The following PCDH7 variants were observed in gnomAD, a reference collection of about 807,000 sequenced individuals.
The protein encoded by PCDH7 is protocadherin 7, also known as protocadherin-7.
In PCDH7, 17 loss-of-function variants were observed where a neutral mutation model predicts 58.9. That is an observed-to-expected ratio of 0.29 (90% CI 0.20 to 0.43). The LOEUF is 0.43. PCDH7 is among the 20% of genes least tolerant of loss of function. The probability of loss-of-function intolerance (pLI) is 1.00; values close to 1 mark genes in which losing one functional copy is unlikely to be tolerated. For missense variants in PCDH7, 1,274 were observed against 1,441.0 expected (o/e 0.88, Z 1.88); for synonymous variants, 664 against 616.4 (o/e 1.08, Z -1.14).
chr4:31,042,682 G>A (rs1022740750), intron 3 of PCDH7, among the ~76,000 whole-genome samples: 3 of 152,060 alleles, frequency 2.0e-5, no homozygotes, highest in Admixed American at 6.6e-5. Context: ...GTGATGTATA[G>A]TAAAGTGTAA....
intron 1 of PCDH7, among the ~76,000 whole-genome samples, chr4:30,911,979 T>C (rs2109406065): frequency 6.6e-6 from 1 of 152,292 alleles, no homozygotes. Flanking sequence ...ACACTCATAA[T>C]TTCTAAAGTA....
intron 1 of PCDH7, among the ~76,000 whole-genome samples, chr4:30,879,186 C>T (rs1428021611): frequency 1.3e-5 from 2 of 151,846 alleles, no homozygotes; most frequent in African/African-American, 4.8e-5. Context: ...TTTATTCCTC[C>T]TTCTCCTGCT....
intron 1 of PCDH7, among the ~76,000 whole-genome samples, chr4:30,785,759 T>A (rs998015138): frequency 9.2e-5 from 14 of 152,056 alleles, no homozygotes; most frequent in Non-Finnish European, 2.1e-4. Flanking sequence ...GATGCATTGT[T>A]ACATTGGAAA....
At chr4:30,855,464 C>T (rs1223382219) in intron 1 of PCDH7, among the ~76,000 whole-genome samples, 4 of 152,134 alleles carry the variant, frequency 2.6e-5, no homozygotes, top group African/African-American at 9.7e-5. Context: ...CTGTTTGCGG[C>T]AAACTCATCC....
rs1373614818 is a variant in PCDH7, at chr4:30,757,233, G to A, written c.70+32637G>A. On this transcript the variant is annotated intron_variant, in intron 1 of 3. Transcript: ENST00000509759. ...CTCCCTGTAGCTGCACACCCATTCT[G>A]CTCCTTTTTCTAGGCTTCATCCTCA... Among the ~76,000 whole-genome samples the A allele has an allele frequency of 3.3e-5, 5 of 152,154 alleles. No individual in the cohort carries two copies. The East Asian group carries it at 9.6e-4, about 29-fold the overall frequency.
chr4:31,073,067 T>C (rs1185740814), intron 3 of PCDH7, among the ~76,000 whole-genome samples: 7 of 152,150 alleles, frequency 4.6e-5, no homozygotes, highest in Non-Finnish European at 1.0e-4. Flanking sequence ...CTGAAGAGTA[T>C]GTAAATATTA....
chr4:30,961,321 G>T (rs932456459), intron 3 of PCDH7, among the ~76,000 whole-genome samples: 5 of 151,646 alleles, frequency 3.3e-5, no homozygotes, highest in Non-Finnish European at 7.4e-5. Context: ...GAGGCGGGTG[G>T]ATCATGAAGT....
chr4:31,063,288 T>TTAATACATGCAGGTATA (rs1318562447), intron 3 of PCDH7, among the ~76,000 whole-genome samples: 13 of 151,994 alleles, frequency 8.6e-5, no homozygotes, highest in Non-Finnish European at 1.6e-4. Context: ...TAACATAACT[T>TTAATACATGCAGGTATA]TAATACATGC....
At chr4:30,941,677 A>C (rs1437435349) in intron 2 of PCDH7, among the ~76,000 whole-genome samples, 22 of 151,936 alleles carry the variant, frequency 1.4e-4, no homozygotes, top group Non-Finnish European at 8.8e-5. Flanking sequence ...GGAAATATAG[A>C]AATTCTCACT....
chr4:31,052,740 C>T (rs1487688862), intron 3 of PCDH7, among the ~76,000 whole-genome samples: 2 of 152,270 alleles, frequency 1.3e-5, no homozygotes, highest in South Asian at 4.1e-4. Flanking sequence ...TGATGAGCTG[C>T]TGCTGATGCC....
intron 1 of PCDH7, among the ~76,000 whole-genome samples, chr4:30,759,357 G>T (rs1348426568): frequency 6.7e-6 from 1 of 148,300 alleles, no homozygotes; most frequent in African/African-American, 2.5e-5. Flanking sequence ...CAATTTCATA[G>T]TTACTTTGAG....
At chr4:30,850,819 T>C (rs1732635076) in intron 1 of PCDH7, among the ~76,000 whole-genome samples, 1 of 152,122 alleles carries the variant, frequency 6.6e-6, no homozygotes, top group Non-Finnish European at 1.5e-5. Flanking sequence ...GATAACACTA[T>C]GTCGGCTCCA....
chr4:30,894,480 A>ATAT (rs1485550529), intron 1 of PCDH7, among the ~76,000 whole-genome samples: 12 of 55,232 alleles, frequency 2.2e-4, no homozygotes, highest in African/African-American at 8.6e-4. Context: ...AAAAAAAAAA[A>ATAT]AAAAAAAAAA....
intron 2 of PCDH7, among the ~76,000 whole-genome samples, chr4:30,946,281 G>A (rs879018145): frequency 6.6e-6 from 1 of 152,122 alleles, no homozygotes; most frequent in African/African-American, 2.4e-5. Context: ...GTTTAATAAC[G>A]TAAGCAGAGA....
At chr4:30,742,774 G>A (rs1163421957) in intron 1 of PCDH7, among the ~76,000 whole-genome samples, 2 of 152,054 alleles carry the variant, frequency 1.3e-5, no homozygotes, top group African/African-American at 4.8e-5. Context: ...CTTCATATGA[G>A]AAAGAAAAAG....
chr4:30,867,493 T>C (rs1735019995), intron 1 of PCDH7, among the ~76,000 whole-genome samples: 1 of 152,110 alleles, frequency 6.6e-6, no homozygotes, highest in African/African-American at 2.4e-5. Flanking sequence ...TGGTACATGA[T>C]GTACTCACTA....
intron 1 of PCDH7, among the ~76,000 whole-genome samples, chr4:30,887,223 C>G (rs1737946983): frequency 6.6e-6 from 1 of 152,006 alleles, no homozygotes; most frequent in Non-Finnish European, 1.5e-5. Flanking sequence ...ATAATAATCC[C>G]CTGTTGATAG....
At chr4:30,896,845 A>G (rs1739454343) in intron 1 of PCDH7, among the ~76,000 whole-genome samples, 1 of 139,716 alleles carries the variant, frequency 7.2e-6, no homozygotes, top group African/African-American at 2.7e-5. Context: ...TTGAATTGGT[A>G]GCTAAACCCT....
chr4:31,139,810 T>C (rs1033933382), intron 3 of PCDH7, among the ~76,000 whole-genome samples: 5 of 152,204 alleles, frequency 3.3e-5, no homozygotes, highest in Non-Finnish European at 7.3e-5. Context: ...TTTTCTAAAT[T>C]TGATGACAAA....
Sources: gnomAD v4.1 joint callset for allele counts (sites outside exome capture counted in the v4.1 genomes callset) on GRCh38, gnomAD v4.1.1 for gene constraint, MANE v1.5 for transcripts, NCBI Gene and HGNC (gene_info 2026-07-23, HGNC 2026-07-21) for gene names.